The following ALK variants were observed in gnomAD, a reference collection of about 807,000 sequenced individuals.
ALK encodes the protein ALK tyrosine kinase receptor.
In ALK, 74 loss-of-function variants were observed where a neutral mutation model predicts 163.1. The observed-to-expected ratio is 0.45, with a 90% CI of 0.38 to 0.55. The LOEUF (loss-of-function observed/expected upper bound fraction) is 0.55, where lower values mean the gene tolerates loss of function less well. ALK is among the 20% of genes least tolerant of loss of function. The pLI is 0.00. For missense variants in ALK, 2,063 were observed against 2,105.3 expected (o/e 0.98, Z 0.39); for synonymous variants, 960 against 843.2 (o/e 1.14, Z -2.40).
chr2:29,759,735 A>G (rs1680646330), intron 1 of ALK, among the ~76,000 whole-genome samples: 1 of 152,228 alleles, frequency 6.6e-6, no homozygotes, highest in African/African-American at 2.4e-5. Context: ...GAAACCCAGT[A>G]GTGATAGGCA....
In ALK at chr2:29,921,185, T is replaced by C. The variant is rs1050749048; in HGVS notation, c.-526A>G. 3.0e-5 allele frequency: 7 copies of C among 235,024 alleles called. No homozygotes were observed. In the East Asian group the frequency reaches 4.2e-4, roughly 14 times the overall value. The allele number at this position is 235,024 out of a possible 1,614,324, so 14.6% of individuals were successfully genotyped here. ...GGCTCCTCCAAGCTCTTCTGCCCGG[T>C]CTGGGCGGGAACCGAGGGCGGAGGC... On this transcript the variant is annotated 5_prime_UTR_variant, in exon 1 of 29. Coordinates refer to ENST00000389048, the MANE Select transcript of ALK (RefSeq NM_004304.5).
chr2:29,495,729 A>G (rs983883077), intron 4 of ALK, among the ~76,000 whole-genome samples: 11 of 152,204 alleles, frequency 7.2e-5, no homozygotes, highest in Non-Finnish European at 1.3e-4. Flanking sequence ...GCCAGGACTC[A>G]AGCTGACTAA....
rs368836167 is a variant in ALK at position 29,911,891 on chromosome 2, A to C, written c.667+8102T>G. 4.0e-4 allele frequency among the ~76,000 whole-genome samples: 61 copies of C among 152,354 alleles called. No individual in the cohort carries two copies. The East Asian group carries it at 0.011, about 28-fold the overall frequency. On this transcript the variant is annotated intron_variant, in intron 1 of 28. Coordinates refer to ENST00000389048, the MANE Select transcript of ALK (RefSeq NM_004304.5). ...TGACCATGTCCCATAAGGTGAAAGT[A>C]AACACTCTGGAAAATGAATGGAAAG...
chr2:29,286,815 G>A (rs368305209), intron 9 of ALK: 9 of 152,212 alleles, frequency 5.9e-5, no homozygotes, highest in East Asian at 3.9e-4. Flanking sequence ...GAGAAGAAGC[G>A]TGATCAATGC....
At chr2:29,386,379 G>C (rs1230159756) in intron 4 of ALK, among the ~76,000 whole-genome samples, 1 of 152,118 alleles carries the variant, frequency 6.6e-6, no homozygotes, top group African/African-American at 2.4e-5. Flanking sequence ...GAGGGCTTTC[G>C]GTTTAAATGA....
At chr2:29,868,942 A>C (rs1666509843) in intron 1 of ALK, among the ~76,000 whole-genome samples, 1 of 152,192 alleles carries the variant, frequency 6.6e-6, no homozygotes, top group Non-Finnish European at 1.5e-5. Context: ...ATGAAGCCCA[A>C]GAAGCCACAT....
intron 3 of ALK, chr2:29,681,013 C>T (rs1678048298): frequency 1.3e-5 from 2 of 152,178 alleles, no homozygotes; most frequent in East Asian, 1.9e-4. Flanking sequence ...TTTATTTTTA[C>T]GTTTTAATAA....
chr2:29,369,050 T>C (rs778657167), intron 5 of ALK, among the ~76,000 whole-genome samples: 2 of 152,238 alleles, frequency 1.3e-5, no homozygotes, highest in Non-Finnish European at 2.9e-5. Context: ...CTCAAGACCC[T>C]GCTTTCCAGT....
intron 1 of ALK, among the ~76,000 whole-genome samples, chr2:29,831,197 G>GA (rs1665396431): frequency 1.6e-5 from 1 of 61,028 alleles, no homozygotes; most frequent in Non-Finnish European, 3.2e-5. Flanking sequence ...GGAAGGGGAA[G>GA]GGGAAGGGGA....
chr2:29,768,540 G>T (rs1243640741), intron 1 of ALK, among the ~76,000 whole-genome samples: 3 of 151,776 alleles, frequency 2.0e-5, no homozygotes, highest in Non-Finnish European at 4.4e-5. Flanking sequence ...ATACAACAAA[G>T]TTCCATTATA....
chr2:29,356,674 T>C (rs1668254576), intron 5 of ALK, among the ~76,000 whole-genome samples: 1 of 152,194 alleles, frequency 6.6e-6, no homozygotes, highest in East Asian at 1.9e-4. Flanking sequence ...GATTTTGGGA[T>C]GGGAGACTGA....
chr2:29,486,365 C>G (rs1296074958), intron 4 of ALK, among the ~76,000 whole-genome samples: 2 of 151,968 alleles, frequency 1.3e-5, no homozygotes, highest in African/African-American at 4.8e-5. Context: ...TTTCCAGGAC[C>G]CCAGAGACTG....
At chr2:29,331,301 A>G in intron 5 of ALK, among the ~76,000 whole-genome samples, 1 of 152,186 alleles carries the variant, frequency 6.6e-6, no homozygotes, top group East Asian at 1.9e-4. Flanking sequence ...ACCCTTGAAC[A>G]ATACAGGTTT....
At chr2:29,535,654 T>C (rs1045244138) in intron 3 of ALK, among the ~76,000 whole-genome samples, 2 of 152,154 alleles carry the variant, frequency 1.3e-5, no homozygotes, top group African/African-American at 2.4e-5. Flanking sequence ...ATTCCTTTGA[T>C]CTAGGACTAA....
At chr2:29,586,911 T>A (rs1035970389) in intron 3 of ALK, among the ~76,000 whole-genome samples, 1 of 152,176 alleles carries the variant, frequency 6.6e-6, no homozygotes, top group African/African-American at 2.4e-5. Flanking sequence ...TTTTTGAAGA[T>A]GTTTAGCTGA....
At chr2:29,548,653 G>A (rs984060706) in intron 3 of ALK, among the ~76,000 whole-genome samples, 1 of 152,054 alleles carries the variant, frequency 6.6e-6, no homozygotes, top group Non-Finnish European at 1.5e-5. Flanking sequence ...TAAGCACAGG[G>A]ATCCCGCCTG....
rs79621790 is a variant in ALK, at chr2:29,491,450, T to G, written c.1154+40465A>C. ...ACTCTCCATCTATCCCATGCAACTA[T>G]GTATGAAAAGGAGACTTTTCTCCTT... On this transcript the variant is annotated intron_variant, in intron 4 of 28. Coordinates refer to ENST00000389048, the MANE Select transcript of ALK (RefSeq NM_004304.5). 5.8e-3 allele frequency among the ~76,000 whole-genome samples: 881 copies of G among 152,074 alleles called. 11 individuals carry two copies. The highest frequency in any genetic ancestry group is 0.02 in the African/African-American group (840 of 41,550).
Position 29,639,049 on chromosome 2 carries a change from G to C in ALK, c.952+55801C>G, listed in dbSNP as rs146800440. On this transcript the variant is annotated intron_variant, in intron 3 of 28. Transcript: ENST00000389048. The stretch of plus-strand genomic sequence containing the variant: ...GGCACGTAAGGAGAATTAGAAAGTA[G>C]CTGAAATTATAGTCTTAGCTAAGAA... Among the ~76,000 whole-genome samples, 18 of 152,262 alleles carry C rather than the reference G, an allele frequency of 1.2e-4. 1 individual carries two copies. The highest frequency in any genetic ancestry group is 4.3e-4 in the African/African-American group (18 of 41,560).
chr2:29,695,168 T>C (rs960074413), intron 2 of ALK, among the ~76,000 whole-genome samples, 154 bp from the exon 3 acceptor site: 1 of 152,190 alleles, frequency 6.6e-6, no homozygotes, highest in Admixed American at 6.5e-5. Flanking sequence ...GGCTCTGTAT[T>C]GGTGAAAAGG....
Sources: gnomAD v4.1 joint callset for allele counts (sites outside exome capture counted in the v4.1 genomes callset) on GRCh38, gnomAD v4.1.1 for gene constraint, MANE v1.5 for transcripts, NCBI Gene and HGNC (gene_info 2026-07-23, HGNC 2026-07-21) for gene names.